Variants in ITGA2 observed in about 807,000 individuals in gnomAD.
The protein encoded by ITGA2 is integrin subunit alpha 2.
ITGA2 carries 101 observed loss-of-function variants against 146.3 expected under a neutral mutation model. The observed-to-expected ratio is 0.69, with a 90% CI of 0.59 to 0.81. The LOEUF is 0.81. ITGA2 is among the 40% of genes least tolerant of loss of function. ITGA2 has a pLI of 0.00. For missense variants in ITGA2, 1,281 were observed against 1,402.7 expected (o/e 0.91, Z 1.39); for synonymous variants, 477 against 487.1 (o/e 0.98, Z 0.27).
At chr5:53,071,140 G>A (rs1361627062) in intron 17 of ITGA2, among the ~76,000 whole-genome samples, 1 of 151,762 alleles carries the variant, frequency 6.6e-6, no homozygotes, top group African/African-American at 2.4e-5. Context: ...TAAAGTTGAC[G>A]GTTAGATGAA....
Position 53,033,685 on chromosome 5 carries a change from C to T in ITGA2, c.185+6817C>T, listed in dbSNP as rs183393291. On this transcript the variant is annotated intron_variant, in intron 2 of 29. Coordinates refer to ENST00000296585, the MANE Select transcript of ITGA2 (RefSeq NM_002203.4). ...CAATTTTGGCTCACTGCAACCTCTG[C>T]CTCCTGGGTTCAAGTGATTCTCATG... is the stretch of plus-strand genomic sequence containing the variant. 1.4e-3 allele frequency among the ~76,000 whole-genome samples: 220 copies of T among 152,108 alleles called. 1 individual carries two copies. Among genetic ancestry groups the T allele is most frequent in the African/African-American group, 5.1e-3 (213 of 41,500 alleles).
intron 1 of ITGA2, among the ~76,000 whole-genome samples, chr5:52,994,137 A>G (rs2111658328): frequency 6.6e-6 from 1 of 152,346 alleles, no homozygotes; most frequent in South Asian, 2.1e-4. Context: ...CATAAAACTA[A>G]TACTTGATAA....
At chr5:53,004,423 T>TA (rs928664449) in intron 1 of ITGA2, among the ~76,000 whole-genome samples, 4 of 151,786 alleles carry the variant, frequency 2.6e-5, no homozygotes, top group African/African-American at 4.8e-5. Context: ...GAATATTATT[T>TA]AAAAAAAAAT....
At chr5:53,082,119 T>A (rs767260469) in intron 26 of ITGA2, among the ~76,000 whole-genome samples, 9 of 152,340 alleles carry the variant, frequency 5.9e-5, no homozygotes, top group Middle Eastern at 3.4e-3. Flanking sequence ...GTTTTTTATT[T>A]AGCTGTGAAA....
intron 1 of ITGA2, among the ~76,000 whole-genome samples, chr5:53,006,822 CTTTT>C (rs1454308390): frequency 1.2e-4 from 19 of 152,130 alleles, no homozygotes; most frequent in Non-Finnish European, 1.6e-4. Flanking sequence ...GTCACCGTCT[CTTTT>C]CTATCCTAAC....
chr5:53,048,708 G>T lies in ITGA2; in HGVS notation c.568G>T (p.Ala190Ser). The T allele has an allele frequency of 6.2e-7, 1 of 1,614,008 alleles. No individual in the cohort carries two copies. The highest frequency in any genetic ancestry group is 8.5e-7 in the Non-Finnish European group (1 of 1,179,910). ...DESNSIYPWD[A>S]VKNFLEKFVQ... ...ATCAAATAGTATTTATCCTTGGGAT[G>T]CAGTAAAGAATTTTTTGGAAAAATT... The change falls in exon 6 of 30, where the codon GCA (alanine) becomes TCA (serine). Residue 190 changes from alanine to serine, a missense_variant. Ala to Ser is a moderately conservative substitution (Grantham distance 99). Around this residue, in one of 3 missense-constraint regions of ITGA2, gnomAD observed 795 missense variants for 841.7 expected, o/e 0.94. Coordinates refer to ENST00000296585, the MANE Select transcript of ITGA2 (RefSeq NM_002203.4).
chr5:53,062,895 A>G lies in ITGA2; in HGVS notation c.1568A>G (p.Glu523Gly). The G allele has an allele frequency of 6.2e-7, 1 of 1,611,060 alleles. No homozygotes were observed. The highest frequency in any genetic ancestry group is 8.5e-7 in the Non-Finnish European group (1 of 1,177,966). The change falls in exon 13 of 30, where the codon GAG (glutamate) becomes GGG (glycine). Residue 523 changes from glutamate (E) to glycine (G), a missense_variant. Glu to Gly is a moderately conservative substitution (Grantham distance 98). Coordinates refer to ENST00000296585, the MANE Select transcript of ITGA2 (RefSeq NM_002203.4). ...APMYMSDLKK[E>G]EGRVYLFTIK... is the part of the protein sequence containing the mutation. ...ATGTACATGAGTGACCTAAAGAAAGAGGAAGGAAGAGTCTACCTGTTTACT... is the reference window on the plus strand; with the variant it reads ...ATGTACATGAGTGACCTAAAGAAAGGGGAAGGAAGAGTCTACCTGTTTACT...
At chr5:53,090,327 T>C (rs909177857) in intron 29 of ITGA2, among the ~76,000 whole-genome samples, 192 bp from the exon 30 acceptor site, 8 of 152,208 alleles carry the variant, frequency 5.3e-5, no homozygotes, top group Non-Finnish European at 1.0e-4. Flanking sequence ...CTTTATGCAA[T>C]GCAGCTGAGC....
chr5:53,042,197 A>T lies in ITGA2; in HGVS notation c.271A>T (p.Thr91Ser). 4 of 1,612,080 alleles carry T rather than the reference A, an allele frequency of 2.5e-6. No individual in the cohort carries two copies. The highest frequency in any genetic ancestry group is 3.4e-6 in the Non-Finnish European group (4 of 1,178,152). ...ATGTCCTGTTGACCTATCCACTGCC[A>T]CATGTGAAAAACTAAATTTGCAAAG... ...YKCPVDLSTA[T>S]CEKLNLQTST... is the part of the protein sequence containing the mutation. Residue 91 changes from threonine to serine, a missense_variant, in exon 3 of 30, where the codon ACA becomes TCA. Thr to Ser is a moderately conservative substitution (Grantham distance 58, BLOSUM62 1). Around this residue, in one of 3 missense-constraint regions of ITGA2, gnomAD observed 795 missense variants for 841.7 expected, o/e 0.94. Transcript: ENST00000296585.
intron 10 of ITGA2, 28 bp downstream of exon 10, chr5:53,058,129 TG>T: frequency 1.3e-6 from 2 of 1,530,734 alleles, no homozygotes; most frequent in African/African-American, 2.7e-5. Flanking sequence ...CTTCAAGCCA[TG>T]TTGTCATTTG....
intron 16 of ITGA2, among the ~76,000 whole-genome samples, chr5:53,068,615 G>A (rs1745250787): frequency 6.6e-6 from 1 of 151,488 alleles, no homozygotes; most frequent in Non-Finnish European, 1.5e-5. Flanking sequence ...TTACTATTGG[G>A]CATCTTTCCC....
At chr5:53,061,583 C>T (rs911534530) in intron 12 of ITGA2, among the ~76,000 whole-genome samples, 4 of 151,884 alleles carry the variant, frequency 2.6e-5, no homozygotes, top group African/African-American at 9.7e-5. Flanking sequence ...TCTTCTCTGC[C>T]ACTTTCAGCT....
At chr5:53,053,529 C>G (rs901194496) in intron 7 of ITGA2, among the ~76,000 whole-genome samples, 3 of 152,062 alleles carry the variant, frequency 2.0e-5, no homozygotes, top group Admixed American at 1.3e-4. Context: ...AGCATTTTTC[C>G]CTGGAAGGAG....
At chr5:53,043,549 G>A (rs929939469) in intron 3 of ITGA2, among the ~76,000 whole-genome samples, 8 of 152,110 alleles carry the variant, frequency 5.3e-5, no homozygotes, top group African/African-American at 1.9e-4. Flanking sequence ...AGATAACAAA[G>A]AATTTAGGAG....
chr5:53,050,117 C>T (rs139141889), intron 6 of ITGA2, among the ~76,000 whole-genome samples: 3 of 152,124 alleles, frequency 2.0e-5, no homozygotes, highest in Admixed American at 1.3e-4. Flanking sequence ...ATATGTATCT[C>T]CTTATTTCCT....
intron 20 of ITGA2, 115 bp downstream of exon 20, chr5:53,073,374 C>A: frequency 8.6e-7 from 1 of 1,160,328 alleles, no homozygotes; most frequent in Non-Finnish European, 1.3e-6. Flanking sequence ...CATGATCAAT[C>A]TGAACTTTGT....
Position 52,998,876 on chromosome 5 carries a change from G to A in ITGA2, c.64+9344G>A, listed in dbSNP as rs1245266799. On this transcript the variant is annotated intron_variant, in intron 1 of 29. Transcript: ENST00000296585. Reference sequence around the variant, plus strand: ...GACACACTTTCTGAATGAAGGCCAAGCTGAAAAATTTCTACTTCTTTCCAA... The same window carrying A: ...GACACACTTTCTGAATGAAGGCCAAACTGAAAAATTTCTACTTCTTTCCAA... 3.3e-5 allele frequency among the ~76,000 whole-genome samples: 5 copies of A among 152,278 alleles called. No individual in the cohort carries two copies. The South Asian group carries it at 8.3e-4, about 25-fold the overall frequency.
intron 24 of ITGA2, among the ~76,000 whole-genome samples, chr5:53,079,739 G>T (rs1354957639): frequency 6.6e-6 from 1 of 152,062 alleles, no homozygotes; most frequent in Non-Finnish European, 1.5e-5. Flanking sequence ...CTTTAATGGG[G>T]CATCTATTCA....
At chr5:53,045,304 T>A (rs774134575) in intron 4 of ITGA2, among the ~76,000 whole-genome samples, 101 of 152,354 alleles carry the variant, frequency 6.6e-4, no homozygotes, top group Middle Eastern at 3.4e-3. Context: ...TGCTACTGAA[T>A]GTTTTGAAGA....
Sources: allele counts gnomAD v4.1 joint callset (sites outside exome capture counted in the v4.1 genomes callset), GRCh38; gene constraint gnomAD v4.1.1; regional missense constraint gnomAD v4.1.1; transcripts MANE v1.5; gene names NCBI Gene and HGNC (gene_info 2026-07-23, HGNC 2026-07-21).